FGF14: variants seen among roughly 807,000 people sequenced by gnomAD.
FGF14 encodes the protein fibroblast growth factor 14.
A neutral mutation model predicts 25.5 loss-of-function variants in FGF14; 5 were observed. That is an observed-to-expected ratio of 0.20 (90% CI 0.10 to 0.41). FGF14 has a LOEUF of 0.41. Ranked by LOEUF, FGF14 falls within the 10% of genes least tolerant of loss-of-function variation. The pLI, the probability that FGF14 is intolerant of heterozygous loss-of-function variation, is 1.00. For synonymous variants in FGF14, 138 were observed against 118.3 expected (o/e 1.17, Z -1.08); for missense variants, 222 against 320.1 (o/e 0.69, Z 2.34).
intron 1 of FGF14, among the ~76,000 whole-genome samples, chr13:102,239,158 C>T (rs899502779): frequency 3.3e-5 from 5 of 152,144 alleles, no homozygotes; most frequent in Non-Finnish European, 5.9e-5. Context: ...GACTCCAAAG[C>T]CCTGAAGTAG....
At chr13:102,059,654 C>T (rs1566632229) in intron 1 of FGF14, among the ~76,000 whole-genome samples, 1 of 151,920 alleles carries the variant, frequency 6.6e-6, no homozygotes, top group Non-Finnish European at 1.5e-5. Flanking sequence ...AGTTCGAAAC[C>T]GGCATGGCCA....
At chr13:102,317,272 C>T (rs1436571859) in intron 1 of FGF14, among the ~76,000 whole-genome samples, 2 of 152,052 alleles carry the variant, frequency 1.3e-5, no homozygotes, top group African/African-American at 4.8e-5. Flanking sequence ...TTGAACCATA[C>T]ATAAACATTT....
At chr13:101,938,119 G>A (rs1488634621) in intron 1 of FGF14, among the ~76,000 whole-genome samples, 2 of 152,182 alleles carry the variant, frequency 1.3e-5, no homozygotes, top group African/African-American at 2.4e-5. Context: ...TGCCAGCCAC[G>A]TGCTGCCTGC....
At chr13:101,801,255 T>C (rs1303154832) in intron 3 of FGF14, among the ~76,000 whole-genome samples, 1 of 152,226 alleles carries the variant, frequency 6.6e-6, no homozygotes, top group African/African-American at 2.4e-5. Context: ...TCTTAGGGTC[T>C]ATAAGGAGAG....
intron 3 of FGF14, among the ~76,000 whole-genome samples, chr13:101,816,134 T>G (rs916333011): frequency 1.7e-4 from 26 of 151,178 alleles, no homozygotes; most frequent in African/African-American, 4.6e-4. Flanking sequence ...GCCGGGCGTG[T>G]TGGCGGGCGC....
At chr13:101,878,910 T>C (rs1238947037) in intron 1 of FGF14, among the ~76,000 whole-genome samples, 1 of 150,114 alleles carries the variant, frequency 6.7e-6, no homozygotes, top group African/African-American at 2.5e-5. Flanking sequence ...ATAAGAAGGC[T>C]TGCATGATAT....
intron 1 of FGF14, among the ~76,000 whole-genome samples, chr13:102,257,685 A>G (rs1594610330): frequency 6.6e-6 from 1 of 152,120 alleles, no homozygotes; most frequent in East Asian, 1.9e-4. Flanking sequence ...ATCTTCTGCC[A>G]ATGTATATTT....
At chr13:102,351,299 C>T (rs1003967100) in intron 1 of FGF14, among the ~76,000 whole-genome samples, 4 of 151,636 alleles carry the variant, frequency 2.6e-5, no homozygotes, top group Admixed American at 6.6e-5. Context: ...AAAAAAAAAA[C>T]GATCTTCTTC....
At chr13:101,913,059 A>G (rs2139093572) in intron 1 of FGF14, among the ~76,000 whole-genome samples, 1 of 152,338 alleles carries the variant, frequency 6.6e-6, no homozygotes, top group South Asian at 2.1e-4. Flanking sequence ...ATTATTTTTA[A>G]TTGTATCCAA....
intron 3 of FGF14, among the ~76,000 whole-genome samples, chr13:101,760,134 C>G (rs1257115478): frequency 1.3e-5 from 2 of 152,064 alleles, no homozygotes; most frequent in Non-Finnish European, 2.9e-5. Flanking sequence ...AACAAAGTAT[C>G]CTTAGATGGA....
chr13:102,004,895 C>A (rs2039700627), intron 1 of FGF14, among the ~76,000 whole-genome samples: 1 of 152,144 alleles, frequency 6.6e-6, no homozygotes, highest in South Asian at 2.1e-4. Flanking sequence ...TGTTTGCGTC[C>A]CCTTCTGATA....
chr13:101,843,434 C>T (rs995733940), intron 3 of FGF14, among the ~76,000 whole-genome samples: 2 of 151,958 alleles, frequency 1.3e-5, no homozygotes, highest in Non-Finnish European at 2.9e-5. Flanking sequence ...CCAATGCCTC[C>T]CATTGATGCT....
intron 1 of FGF14, chr13:102,393,662 A>G (rs1252848935): frequency 1.3e-5 from 2 of 152,250 alleles, no homozygotes; most frequent in Admixed American, 6.5e-5. Flanking sequence ...CATCTATTTC[A>G]GCACCAACCA....
intron 1 of FGF14, among the ~76,000 whole-genome samples, chr13:102,391,591 T>C (rs1443359749): frequency 6.6e-6 from 1 of 152,220 alleles, no homozygotes; most frequent in African/African-American, 2.4e-5. Flanking sequence ...TCATTATTAT[T>C]TGTCTGAGAT....
intron 1 of FGF14, among the ~76,000 whole-genome samples, chr13:102,061,350 C>T (rs1382887305): frequency 6.6e-6 from 1 of 152,210 alleles, no homozygotes; most frequent in Non-Finnish European, 1.5e-5. Flanking sequence ...CTAGATGCCG[C>T]CGTGGGGCAG....
chr13:101,983,917 C>A (rs957474176), intron 1 of FGF14, among the ~76,000 whole-genome samples: 2 of 152,168 alleles, frequency 1.3e-5, no homozygotes, highest in Non-Finnish European at 2.9e-5. Context: ...AGTGGCTATG[C>A]AGGCAACAGT....
At position 101,721,295 on chromosome 13, in the gene FGF14, A is replaced by AGTC. The variant is rs2034964463; in HGVS notation, c.*1533_*1535dup. ...ATTTTGCATGGAATCTTCATTGTGTAGTCAACTGTTCCTGGCCTTTCTTGG... is the reference window on the plus strand; with the variant it reads ...ATTTTGCATGGAATCTTCATTGTGTAGTCGTCAACTGTTCCTGGCCTTTCTTGG... On this transcript the variant is annotated 3_prime_UTR_variant, in exon 5 of 5. Transcript: ENST00000376143. 6.6e-6 allele frequency: 1 copy of AGTC among 152,194 alleles called. No homozygotes were observed. Among genetic ancestry groups the AGTC allele is most frequent in the Non-Finnish European group, 1.5e-5 (1 of 68,028 alleles). 9.4% of individuals were successfully genotyped at this position (152,194 alleles called of 1,614,324 possible). A position where few individuals can be genotyped will look rare whatever the true frequency, so the allele number is the denominator to read the frequency against.
chr13:101,874,277 ACTT>A (rs1387818879), intron 2 of FGF14, among the ~76,000 whole-genome samples: 1 of 152,102 alleles, frequency 6.6e-6, no homozygotes, highest in Non-Finnish European at 1.5e-5. Flanking sequence ...TCAAACCCTC[ACTT>A]CTTTTCATGG....
chr13:102,196,737 C>T (rs1043728204), intron 1 of FGF14, among the ~76,000 whole-genome samples: 4 of 152,030 alleles, frequency 2.6e-5, no homozygotes, highest in South Asian at 2.1e-4. Context: ...GTAATGCAAT[C>T]GTATTTATTA....
Sources: allele counts gnomAD v4.1 joint callset (sites outside exome capture counted in the v4.1 genomes callset), GRCh38; gene constraint gnomAD v4.1.1; transcripts MANE v1.5; gene names NCBI Gene and HGNC (gene_info 2026-07-23, HGNC 2026-07-21).